Variants in SPIN1 observed in about 807,000 individuals in gnomAD.
SPIN1 encodes spindlin-1.
In SPIN1, 3 loss-of-function variants were observed where a neutral mutation model predicts 26.0. The ratio of observed to expected loss-of-function variants is 0.12; its 90% CI spans 0.05 to 0.30. SPIN1 has a LOEUF of 0.30. Among genes scored for constraint, SPIN1 ranks in the 10% least tolerant of loss-of-function variants. The pLI is 1.00. For missense variants in SPIN1, 126 were observed against 333.4 expected (o/e 0.38, Z 4.84); for synonymous variants, 101 against 116.5 (o/e 0.87, Z 0.86).
chr9:88,456,247 A>G (rs999148995), intron 3 of SPIN1, among the ~76,000 whole-genome samples: 61 of 152,176 alleles, frequency 4.0e-4, no homozygotes, highest in African/African-American at 1.3e-3. Context: ...AATTTGTACT[A>G]AAATTATGAT....
intron 3 of SPIN1, among the ~76,000 whole-genome samples, chr9:88,456,486 A>C (rs756199224): frequency 3.3e-5 from 5 of 152,182 alleles, no homozygotes; most frequent in Admixed American, 3.3e-4. Flanking sequence ...ACAGTTACCA[A>C]ATATTAAAAG....
chr9:88,405,574 G>T (rs528028060), intron 1 of SPIN1, among the ~76,000 whole-genome samples: 1 of 107,024 alleles, frequency 9.3e-6, no homozygotes, highest in Non-Finnish European at 1.8e-5. Flanking sequence ...ACAGAGTTTC[G>T]CTCTCGTTAC....
rs550295506 is a variant in SPIN1, at chr9:88,394,632, G to A, written c.-159+6094G>A. Among the ~76,000 whole-genome samples, 4 of 152,124 alleles carry A rather than the reference G, an allele frequency of 2.6e-5. No individual in the cohort carries two copies. In the South Asian group the frequency reaches 8.3e-4, roughly 32 times the overall value. On this transcript the variant is annotated intron_variant, in intron 1 of 5. Coordinates refer to ENST00000375859, the MANE Select transcript of SPIN1 (RefSeq NM_006717.3). ...CACTAATAAGCAACTGTAGCTTTAT[G>A]TTTGGTTATGGTTTTTTCCTTAAAA...
At chr9:88,389,377 A>G (rs1275865438) in intron 1 of SPIN1, 1 of 152,180 alleles carries the variant, frequency 6.6e-6, no homozygotes, top group African/African-American at 2.4e-5. Context: ...CGAGCATTTT[A>G]TTGCATTGAT....
At chr9:88,462,820 T>C in intron 4 of SPIN1, 71 bp downstream of exon 4, 5 of 1,460,800 alleles carry the variant, frequency 3.4e-6, no homozygotes, top group Non-Finnish European at 4.6e-6. Flanking sequence ...TTTTTTATTT[T>C]ACATTATTAA....
chr9:88,410,122 ACTAT>A (rs2117954149), intron 1 of SPIN1, among the ~76,000 whole-genome samples: 1 of 148,958 alleles, frequency 6.7e-6, no homozygotes, highest in East Asian at 2.0e-4. Context: ...CTGATACCTT[ACTAT>A]CTTTCAAGTT....
At chr9:88,457,700 C>A in intron 3 of SPIN1, 2 of 327,688 alleles carry the variant, frequency 6.1e-6, no homozygotes, top group Non-Finnish European at 8.7e-6. Context: ...TATACACAGG[C>A]AATTCAGGGA....
chr9:88,421,000 T>C (rs992543695), intron 1 of SPIN1, among the ~76,000 whole-genome samples: 1 of 152,254 alleles, frequency 6.6e-6, no homozygotes, highest in African/African-American at 2.4e-5. Flanking sequence ...AAAGTGTTGC[T>C]GGATTCTAGA....
intron 1 of SPIN1, among the ~76,000 whole-genome samples, chr9:88,407,723 G>C (rs1827339283): frequency 6.8e-6 from 1 of 146,258 alleles, no homozygotes; most frequent in Non-Finnish European, 1.5e-5. Flanking sequence ...GAAGTAAACT[G>C]TCAAGTTTTA....
intron 1 of SPIN1, among the ~76,000 whole-genome samples, chr9:88,405,997 T>TTTGTGTGTG (rs1554691963): frequency 2.2e-5 from 3 of 138,948 alleles, no homozygotes; most frequent in African/African-American, 8.0e-5. Context: ...CGTGCCTGGC[T>TTTGTGTGTG]TGTGTGTCTG....
At chr9:88,450,394 T>C (rs1828332308) in intron 3 of SPIN1, among the ~76,000 whole-genome samples, 1 of 152,246 alleles carries the variant, frequency 6.6e-6, no homozygotes, top group East Asian at 1.9e-4. Context: ...ATGTGCGTTC[T>C]AATCATTTTT....
chr9:88,417,278 A>G (rs991940105), intron 1 of SPIN1, among the ~76,000 whole-genome samples: 4 of 152,142 alleles, frequency 2.6e-5, no homozygotes, highest in African/African-American at 9.7e-5. Context: ...GCTCATACTC[A>G]GCACAACACT....
intron 2 of SPIN1, among the ~76,000 whole-genome samples, chr9:88,428,794 C>T (rs1295890505): frequency 6.6e-6 from 1 of 152,000 alleles, no homozygotes; most frequent in Non-Finnish European, 1.5e-5. Flanking sequence ...GATATTTTAG[C>T]ATAAGAGTCC....
intron 5 of SPIN1, 76 bp from the exon 6 acceptor site, chr9:88,475,002 G>C: frequency 2.3e-6 from 3 of 1,328,234 alleles, no homozygotes; most frequent in Non-Finnish European, 3.0e-6. Flanking sequence ...AAATATGTGA[G>C]TTGATTTATA....
intron 5 of SPIN1, among the ~76,000 whole-genome samples, chr9:88,469,471 A>T (rs1326413214): frequency 6.6e-6 from 1 of 152,154 alleles, no homozygotes; most frequent in African/African-American, 2.4e-5. Flanking sequence ...GTAGAAGAGG[A>T]TGTGACCTGG....
At chr9:88,453,017 G>C (rs1443906789) in intron 3 of SPIN1, among the ~76,000 whole-genome samples, 1 of 152,166 alleles carries the variant, frequency 6.6e-6, no homozygotes, top group East Asian at 1.9e-4. Flanking sequence ...GTAAATGTTG[G>C]CTACCAAGAT....
At chr9:88,449,705 C>T (rs1485431782) in intron 3 of SPIN1, among the ~76,000 whole-genome samples, 1 of 152,146 alleles carries the variant, frequency 6.6e-6, no homozygotes, top group African/African-American at 2.4e-5. Flanking sequence ...CTATCCTATA[C>T]TGATAACTAT....
chr9:88,402,295 G>C (rs1361769065), intron 1 of SPIN1, among the ~76,000 whole-genome samples: 1 of 152,070 alleles, frequency 6.6e-6, no homozygotes. Context: ...GCCTCGTTGA[G>C]TATTTGTCAT....
intron 1 of SPIN1, among the ~76,000 whole-genome samples, chr9:88,398,661 C>T (rs373259671): frequency 1.7e-4 from 26 of 152,158 alleles, no homozygotes; most frequent in Middle Eastern, 3.4e-3. Context: ...TCGCAACCTC[C>T]GCCTCGTGGG....
Sources: allele counts gnomAD v4.1 joint callset (sites outside exome capture counted in the v4.1 genomes callset), GRCh38; gene constraint gnomAD v4.1.1; transcripts MANE v1.5; gene names NCBI Gene and HGNC (gene_info 2026-07-23, HGNC 2026-07-21).